Variants in PLCD3 observed in about 807,000 individuals in gnomAD.
PLCD3 encodes phospholipase C delta 3, also known as 1-phosphatidylinositol 4,5-bisphosphate phosphodiesterase delta-3.
In PLCD3, 62 loss-of-function variants were observed where a neutral mutation model predicts 82.8. The ratio of observed to expected loss-of-function variants is 0.75; its 90% CI spans 0.61 to 0.93. The LOEUF (loss-of-function observed/expected upper bound fraction) is 0.93, where lower values mean the gene tolerates loss of function less well. Ranked by LOEUF, PLCD3 falls within the 40% of genes least tolerant of loss-of-function variation. The pLI, the probability that PLCD3 is intolerant of heterozygous loss-of-function variation, is 0.00. For synonymous variants in PLCD3, 478 were observed against 471.8 expected, an observed-to-expected ratio of 1.01 and a Z score of -0.17; for missense variants, 1,023 against 1,103.4, an observed-to-expected ratio of 0.93 and a Z score of 1.03.
intron 1 of PLCD3, among the ~76,000 whole-genome samples, chr17:45,130,375 T>C (rs1275991371): frequency 6.6e-6 from 1 of 152,150 alleles, no homozygotes; most frequent in Non-Finnish European, 1.5e-5. Context: ...GTGCTACTCA[T>C]CTCTGTAGCC....
Position 45,121,048 on chromosome 17 carries a change from C to A in PLCD3, c.408G>T (p.Ala136=). 1 of 1,539,828 alleles carries A rather than the reference C, an allele frequency of 6.5e-7. No homozygotes were observed. The highest frequency in any genetic ancestry group is 8.7e-7 in the Non-Finnish European group (1 of 1,150,696). Residue 136 remains alanine (A), a synonymous_variant, in exon 3 of 15, where the codon GCG becomes GCT. Transcript: ENST00000619929. ...LRRFGGAFAP[A]RCLTIAFKGR... is the part of the protein sequence containing the mutation. ...CCTTGAAGGCGATGGTGAGGCAGCG[C>A]GCTGGCGCGAAGGCACCCCCGAAGC...
chr17:45,115,845 GA>G (rs2054286539), intron 8 of PLCD3, among the ~76,000 whole-genome samples: 2 of 152,246 alleles, frequency 1.3e-5, no homozygotes. Flanking sequence ...ATTTAAAAGA[GA>G]AGACAGTACA....
At position 45,112,499 on chromosome 17, in the gene PLCD3, G is replaced by A. The variant is rs975599698; in HGVS notation, c.*117C>T. The A allele has an allele frequency of 7.8e-6, 9 of 1,156,844 alleles. No homozygotes were observed. The highest frequency in any genetic ancestry group is 1.5e-5 in the African/African-American group (1 of 65,502). 71.7% of individuals were successfully genotyped at this position (1,156,844 alleles called of 1,614,324 possible). On this transcript the variant is annotated 3_prime_UTR_variant, in exon 15 of 15. Coordinates refer to ENST00000619929, the MANE Select transcript of PLCD3 (RefSeq NM_133373.5). ...AGCGCCTGGTGAATGGGCTGAGTGG[G>A]CCAAGTGGGTGGGCTGGGGGGCTGG...
chr17:45,118,983 G>A lies in PLCD3; in HGVS notation c.745C>T (p.Arg249Trp), dbSNP rs555790251. 35 of 1,612,518 alleles carry A rather than the reference G, an allele frequency of 2.2e-5. No individual in the cohort carries two copies. In the Admixed American group the frequency reaches 4.5e-4, roughly 21 times the overall value. Reference sequence around the variant, plus strand: ...TCCAGCTCCGGCCGCTTCAGCAGCCGCCGCAGGAACTCCTCGATCTCAGCC... The same window carrying A: ...TCCAGCTCCGGCCGCTTCAGCAGCCACCGCAGGAACTCCTCGATCTCAGCC... Reference protein sequence around the residue: ...EGAEIEEFLRRLLKRPELEEI... With the variant: ...EGAEIEEFLRWLLKRPELEEI... Residue 249 changes from arginine (R) to tryptophan (W), a missense_variant, in exon 5 of 15, where the codon CGG becomes TGG. By Grantham distance (101) the Arg-to-Trp change is moderately radical. Coordinates refer to ENST00000619929, the MANE Select transcript of PLCD3 (RefSeq NM_133373.5). This position sits in a 1 kb window ranked among gnomAD's most constrained non-coding sequence, Gnocchi z 4.1.
Position 45,118,909 on chromosome 17 carries a change from A to T in PLCD3, c.819T>A (p.Pro273=). The change falls in exon 5 of 15, where the codon CCT becomes CCA. Residue 273 remains proline, a synonymous_variant. Transcript: ENST00000619929. This position sits in a 1 kb window ranked among gnomAD's most constrained non-coding sequence, Gnocchi z 4.1. ...YSGEDRVLSA[P]ELLEFLEDQG... ...GGTCCTCCAGGAACTCCAGCAGCTCAGGGGCACTCAGCACGCGGTCCTCGC... is the reference window on the plus strand; with the variant it reads ...GGTCCTCCAGGAACTCCAGCAGCTCTGGGGCACTCAGCACGCGGTCCTCGC... 1.9e-6 allele frequency: 3 copies of T among 1,612,738 alleles called. 1 individual carries two copies. The South Asian group carries it at 3.3e-5, about 18-fold the overall frequency.
rs150001195 is a variant in PLCD3, at chr17:45,125,428, G to A, written c.164-4056C>T. On this transcript the variant is annotated intron_variant, in intron 1 of 14. Transcript: ENST00000619929. Reference sequence around the variant, plus strand: ...AGCCTGACCAACATGGTGAAACCCCGTCTCTACTAAAAATAGAAAACAGCC... The same window carrying A: ...AGCCTGACCAACATGGTGAAACCCCATCTCTACTAAAAATAGAAAACAGCC... Among the ~76,000 whole-genome samples the A allele has an allele frequency of 9.1e-3, 1,381 of 152,302 alleles. 19 individuals are homozygous for A. The highest frequency in any genetic ancestry group is 0.03 in the African/African-American group (1,234 of 41,574).
At chr17:45,123,651 G>A (rs1226241426) in intron 1 of PLCD3, among the ~76,000 whole-genome samples, 1 of 152,180 alleles carries the variant, frequency 6.6e-6, no homozygotes, top group African/African-American at 2.4e-5. Flanking sequence ...ACAGCCCAGG[G>A]CATCTCACCC....
Position 45,109,047 on chromosome 17 carries a change from T to A in PLCD3, c.*3569A>T, listed in dbSNP as rs953756401. The A allele has an allele frequency of 2.0e-5, 3 of 152,622 alleles. No individual in the cohort carries two copies. The highest frequency in any genetic ancestry group is 4.4e-5 in the Non-Finnish European group (3 of 68,038). 9.5% of individuals were successfully genotyped at this position (152,622 alleles called of 1,614,324 possible). A position where few individuals can be genotyped will look rare whatever the true frequency, so the allele number is the denominator to read the frequency against. On this transcript the variant is annotated 3_prime_UTR_variant, in exon 15 of 15. Transcript: ENST00000619929. ...TGTCCTGGTATTCCTGGTCAGCAGG[T>A]GGCAGTGGAAGAAATGGAGTGCTGG...
chr17:45,115,927 C>A (rs1363858702), intron 8 of PLCD3, among the ~76,000 whole-genome samples: 1 of 152,180 alleles, frequency 6.6e-6, no homozygotes, highest in African/African-American at 2.4e-5. Flanking sequence ...ATGGTTACTT[C>A]TTGTGAAAGA....
At chr17:45,123,543 A>C (rs2054357671) in intron 1 of PLCD3, among the ~76,000 whole-genome samples, 1 of 152,110 alleles carries the variant, frequency 6.6e-6, no homozygotes, top group Non-Finnish European at 1.5e-5. Context: ...ATCTGTCCAG[A>C]GTTCAGGACA....
chr17:45,114,619 C>A (rs1245080498), intron 10 of PLCD3, among the ~76,000 whole-genome samples: 1 of 152,156 alleles, frequency 6.6e-6, no homozygotes, highest in East Asian at 1.9e-4. Context: ...ACCAAGTACA[C>A]TGAATGCCCA....
At chr17:45,117,067 C>A (rs971675592) in intron 7 of PLCD3, among the ~76,000 whole-genome samples, 1 of 152,158 alleles carries the variant, frequency 6.6e-6, no homozygotes, top group African/African-American at 2.4e-5. Context: ...GCCTCAGCCT[C>A]CTAAGTAGCT....
chr17:45,112,812 C>T, intron 14 of PLCD3, 51 bp downstream of exon 14: 1 of 1,605,328 alleles, frequency 6.2e-7, no homozygotes, highest in Non-Finnish European at 8.5e-7. Flanking sequence ...TGAACAGGGT[C>T]TGCAGGACCT....
In PLCD3 at chr17:45,109,026, C is replaced by A. The variant is rs540450613; in HGVS notation, c.*3590G>T. On this transcript the variant is annotated 3_prime_UTR_variant, in exon 15 of 15. Coordinates refer to ENST00000619929, the MANE Select transcript of PLCD3 (RefSeq NM_133373.5). ...AAGCAGCTGAACAAAACCTTCTGTC[C>A]TGGTATTCCTGGTCAGCAGGTGGCA... The A allele has an allele frequency of 3.9e-5, 6 of 152,784 alleles. No homozygotes were observed. In the South Asian group the frequency reaches 1.2e-3, roughly 32 times the overall value. 9.5% of individuals were successfully genotyped at this position (152,784 alleles called of 1,614,324 possible). A position where few individuals can be genotyped will look rare whatever the true frequency, so the allele number is the denominator to read the frequency against.
rs758385897 is a variant in PLCD3, at chr17:45,113,261, T to G, written c.1996-4A>C. ...GCAGCTGCTGTGCAGTCAGCACCTG[T>G]GGGTGAGGGAGGGAGTGGCTGGGGC... is the stretch of plus-strand genomic sequence containing the variant. On this transcript the variant is annotated splice_region_variant and splice_polypyrimidine_tract_variant and intron_variant, in intron 12 of 14. Transcript: ENST00000619929. The G allele has an allele frequency of 3.8e-5, 61 of 1,603,068 alleles. No homozygotes were observed. Among genetic ancestry groups the G allele is most frequent in the Non-Finnish European group, 4.9e-5 (58 of 1,175,336 alleles).
intron 1 of PLCD3, among the ~76,000 whole-genome samples, chr17:45,127,817 A>AGTGT (rs10665297): frequency 0.2 from 29,704 of 150,874 alleles, 3,135 homozygotes; most frequent in South Asian, 0.25. Flanking sequence ...TGTGCGTGTG[A>AGTGT]GTGTGTGTGT....
intron 12 of PLCD3, 50 bp from the exon 13 acceptor site, chr17:45,113,307 C>A (rs1475124879): frequency 6.4e-7 from 1 of 1,560,246 alleles, no homozygotes; most frequent in Admixed American, 1.9e-5. Flanking sequence ...CTTGGCCATC[C>A]CCTCATGGGC....
At chr17:45,130,694 CCT>C (rs907252086) in intron 1 of PLCD3, among the ~76,000 whole-genome samples, 7 of 152,242 alleles carry the variant, frequency 4.6e-5, no homozygotes, top group Non-Finnish European at 7.4e-5. Context: ...CTTGGGTCTC[CCT>C]GTTTCGCCCC....
At chr17:45,114,405 G>T in intron 10 of PLCD3, 39 bp from the exon 11 acceptor site, 2 of 1,504,426 alleles carry the variant, frequency 1.3e-6, no homozygotes, top group South Asian at 1.2e-5. Context: ...CAGACTCCGG[G>T]GGTCCCTCAC....
Sources: allele counts gnomAD v4.1 joint callset (sites outside exome capture counted in the v4.1 genomes callset), GRCh38; gene constraint gnomAD v4.1.1; non-coding constraint Gnocchi (gnomAD v3.1); transcripts MANE v1.5; gene names NCBI Gene and HGNC (gene_info 2026-07-23, HGNC 2026-07-21).